SMAD1: variants seen among roughly 807,000 people sequenced by gnomAD.
The protein encoded by SMAD1 is SMAD family member 1, also known as MAD, mothers against decapentaplegic homolog 1.
A neutral mutation model predicts 41.6 loss-of-function variants in SMAD1; 6 were observed. The ratio of observed to expected loss-of-function variants is 0.14; its 90% CI spans 0.08 to 0.28. The LOEUF is 0.28. Among genes scored for constraint, SMAD1 ranks in the 10% least tolerant of loss-of-function variants. The probability of loss-of-function intolerance (pLI) is 1.00; values close to 1 mark genes in which losing one functional copy is unlikely to be tolerated. For missense variants in SMAD1, 379 were observed against 582.6 expected (o/e 0.65, Z 3.60); for synonymous variants, 206 against 203.2 (o/e 1.01, Z -0.12).
chr4:145,515,134 C>CTGTG lies in SMAD1; in HGVS notation c.400+161_400+164dup, dbSNP rs377610507. The CTGTG allele has an allele frequency of 0.072, 38,383 of 532,086 alleles. 1,081 individuals carry two copies. The highest frequency in any genetic ancestry group is 0.1 in the African/African-American group (4,720 of 46,790). The allele number at this position is 532,086 out of a possible 1,614,324, so 33.0% of individuals were successfully genotyped here. On this transcript the variant is annotated intron_variant, in intron 2 of 6. Transcript: ENST00000302085. ...TGTAATTTAAAAATATTTGGGGAAACTGTGTGTGTGTGTGTGTGTGTGTGT... is the reference window on the plus strand; with the variant it reads ...TGTAATTTAAAAATATTTGGGGAAACTGTGTGTGTGTGTGTGTGTGTGTGTGTGT...
intron 5 of SMAD1, among the ~76,000 whole-genome samples, chr4:145,551,737 C>T (rs1424117247): frequency 6.6e-6 from 1 of 152,084 alleles, no homozygotes; most frequent in Non-Finnish European, 1.5e-5. Flanking sequence ...TTTGTTTTTG[C>T]TCTACACTCA....
intron 4 of SMAD1, chr4:145,544,895 A>G (rs1246737276): frequency 1.3e-5 from 2 of 152,310 alleles, no homozygotes; most frequent in Non-Finnish European, 2.9e-5. Flanking sequence ...AGTAACTATT[A>G]TTACTAAACC....
intron 1 of SMAD1, chr4:145,483,211 C>T (rs1728289648): frequency 1.3e-5 from 2 of 152,150 alleles, no homozygotes; most frequent in Non-Finnish European, 2.9e-5. Context: ...TTTCTCTGCC[C>T]TCCCCCCTCT....
chr4:145,538,781 C>T (rs1023976870), intron 2 of SMAD1, among the ~76,000 whole-genome samples: 1 of 152,110 alleles, frequency 6.6e-6, no homozygotes, highest in Non-Finnish European at 1.5e-5. Flanking sequence ...GCCACAGGAG[C>T]TGGAGGGATT....
intron 2 of SMAD1, chr4:145,516,957 T>C (rs1730436812): frequency 6.6e-6 from 1 of 152,196 alleles, no homozygotes; most frequent in Non-Finnish European, 1.5e-5. Flanking sequence ...ATTCACTATT[T>C]AAAAGACACT....
Position 145,557,783 on chromosome 4 carries a change from T to C in SMAD1, c.1255-8T>C. ...CAAGTTAAATGACCTCCAGTATGTT[T>C]TTCCTAGGGCTGGGGAGCAGAATAC... On this transcript the variant is annotated splice_region_variant and splice_polypyrimidine_tract_variant and intron_variant, in intron 6 of 6. Coordinates refer to ENST00000302085, the MANE Select transcript of SMAD1 (RefSeq NM_005900.3). 1.3e-6 allele frequency: 2 copies of C among 1,599,058 alleles called. No individual in the cohort carries two copies. The highest frequency in any genetic ancestry group is 1.7e-5 in the Admixed American group (1 of 58,374).
At chr4:145,552,305 TACATATAA>T (rs1732592729) in intron 5 of SMAD1, among the ~76,000 whole-genome samples, 1 of 152,246 alleles carries the variant, frequency 6.6e-6, no homozygotes, top group Non-Finnish European at 1.5e-5. Flanking sequence ...CCGCTGTGTA[TACATATAA>T]ACAAAACTTG....
At chr4:145,515,623 T>A (rs1296957903) in intron 2 of SMAD1, among the ~76,000 whole-genome samples, 5 of 152,180 alleles carry the variant, frequency 3.3e-5, no homozygotes, top group Non-Finnish European at 7.3e-5. Context: ...ATATACCCAG[T>A]TTTTACATGT....
At chr4:145,480,829 C>T (rs1158870578), upstream of SMAD1, among the ~76,000 whole-genome samples, 2 of 151,836 alleles carry the variant, frequency 1.3e-5, no homozygotes, top group African/African-American at 4.8e-5. Context: ...AAGATGAGGC[C>T]CACGAATTGA....
intron 2 of SMAD1, among the ~76,000 whole-genome samples, chr4:145,526,290 G>A (rs1394091400): frequency 1.3e-5 from 2 of 152,136 alleles, no homozygotes; most frequent in African/African-American, 4.8e-5. Flanking sequence ...TTTTGCCTTT[G>A]TTTCCCTGTA....
intron 2 of SMAD1, among the ~76,000 whole-genome samples, chr4:145,536,228 C>T (rs1578806632): frequency 6.6e-6 from 1 of 152,226 alleles, no homozygotes; most frequent in South Asian, 2.1e-4. Context: ...ATTTCCAGTA[C>T]ACACACGCAC....
intron 6 of SMAD1, 142 bp downstream of exon 6, chr4:145,554,182 A>T: frequency 1.3e-6 from 1 of 776,724 alleles, no homozygotes; most frequent in Non-Finnish European, 2.0e-6. Flanking sequence ...GCATTTTTAA[A>T]CTTTAACAAA....
intron 1 of SMAD1, chr4:145,497,378 G>T (rs1729145407): frequency 2.0e-5 from 3 of 152,196 alleles, no homozygotes; most frequent in Non-Finnish European, 4.4e-5. Flanking sequence ...GCCTGAACAG[G>T]CGGTCCTGTG....
chr4:145,547,280 A>G (rs1732299840), intron 5 of SMAD1, among the ~76,000 whole-genome samples: 1 of 146,260 alleles, frequency 6.8e-6, no homozygotes, highest in Admixed American at 6.7e-5. Context: ...TTTCAAATGA[A>G]TACCATAACT....
chr4:145,551,196 A>T (rs1261156945), intron 5 of SMAD1, among the ~76,000 whole-genome samples: 3 of 152,244 alleles, frequency 2.0e-5, no homozygotes, highest in Non-Finnish European at 2.9e-5. Flanking sequence ...CTCAGACTAT[A>T]CTGTTATAAA....
At position 145,482,117 on chromosome 4, in the gene SMAD1, G is replaced by GCGCCGC. The variant is rs1414764848; in HGVS notation, c.-177+88_-177+93dup. ...TCCCCTCGGCGCCCCGGGCTTTCCAGCGCCGCCGCCGCCGTCTCTGCACGC... is the reference window on the plus strand; with the variant it reads ...TCCCCTCGGCGCCCCGGGCTTTCCAGCGCCGCCGCCGCCGCCGCCGTCTCTGCACGC... On this transcript the variant is annotated intron_variant, in intron 1 of 6. Transcript: ENST00000302085. The surrounding 1 kb of genome is among the most constrained non-coding windows in gnomAD (Gnocchi z 4.2). 2 of 147,972 alleles carry GCGCCGC rather than the reference G, an allele frequency of 1.4e-5. No individual in the cohort carries two copies. The highest frequency in any genetic ancestry group is 2.5e-5 in the African/African-American group (1 of 40,180). The allele number at this position is 147,972 out of a possible 1,614,324, so 9.2% of individuals were successfully genotyped here.
chr4:145,555,318 A>T (rs1297161099), intron 6 of SMAD1, among the ~76,000 whole-genome samples: 4 of 152,224 alleles, frequency 2.6e-5, no homozygotes, highest in Admixed American at 2.6e-4. Context: ...GTGACCTGCC[A>T]GAAGTGTTTT....
chr4:145,529,725 C>T (rs1453563499), intron 2 of SMAD1, among the ~76,000 whole-genome samples: 1 of 152,148 alleles, frequency 6.6e-6, no homozygotes, highest in Non-Finnish European at 1.5e-5. Context: ...GGGATGATCT[C>T]TAGAAATTTG....
intron 2 of SMAD1, among the ~76,000 whole-genome samples, chr4:145,520,682 G>A (rs866620241): frequency 8.5e-5 from 13 of 152,332 alleles, no homozygotes; most frequent in South Asian, 6.2e-4. Flanking sequence ...TTGTCTTTAA[G>A]TGGGCGGGGA....
Sources: allele counts gnomAD v4.1 joint callset (sites outside exome capture counted in the v4.1 genomes callset), GRCh38; gene constraint gnomAD v4.1.1; non-coding constraint Gnocchi (gnomAD v3.1); transcripts MANE v1.5; gene names NCBI Gene and HGNC (gene_info 2026-07-23, HGNC 2026-07-21).